Variants in SLC8A1 observed in about 807,000 individuals in gnomAD.
The protein encoded by SLC8A1 is solute carrier family 8 member A1.
SLC8A1 carries 18 observed loss-of-function variants against 68.3 expected under a neutral mutation model. The observed-to-expected ratio is 0.26, with a 90% CI of 0.18 to 0.39. The LOEUF (loss-of-function observed/expected upper bound fraction) is 0.39. SLC8A1 is among the 10% of genes least tolerant of loss of function. SLC8A1 has a pLI of 1.00. For synonymous variants in SLC8A1, 475 were observed against 415.5 expected, an observed-to-expected ratio of 1.14 and a Z score of -1.74; for missense variants, 985 against 1,156.7, an observed-to-expected ratio of 0.85 and a Z score of 2.15.
intron 1 of SLC8A1, among the ~76,000 whole-genome samples, chr2:40,440,284 T>C (rs1576504909): frequency 6.6e-6 from 1 of 152,290 alleles, no homozygotes; most frequent in East Asian, 1.9e-4. Flanking sequence ...ATGAGGATTA[T>C]AATAGATGTG....
intron 2 of SLC8A1, among the ~76,000 whole-genome samples, chr2:40,391,503 G>A (rs984191446): frequency 6.6e-6 from 1 of 151,984 alleles, no homozygotes; most frequent in Non-Finnish European, 1.5e-5. Context: ...CATTCAATGT[G>A]AAGTAATCAT....
intron 6 of SLC8A1, among the ~76,000 whole-genome samples, chr2:40,160,422 C>G (rs1215011421): frequency 6.6e-6 from 1 of 152,000 alleles, no homozygotes; most frequent in Non-Finnish European, 1.5e-5. Context: ...TTTTCTTGAC[C>G]TTGACTTGGC....
chr2:40,107,279 C>CAAAAAAAAAAAAAAAAGAAAAAAAAA (rs571403529), exon 8 of SLC8A1: 4 of 64,962 alleles, frequency 6.2e-5, no homozygotes, highest in South Asian at 1.1e-3. Context: ...GACTCCGTCT[C>CAAAAAAAAAAAAAAAAGAAAAAAAAA]AAAAAAAAAA....
intron 1 of SLC8A1, among the ~76,000 whole-genome samples, chr2:40,447,888 A>T (rs1701741155): frequency 6.6e-6 from 1 of 152,156 alleles, no homozygotes; most frequent in South Asian, 2.1e-4. Flanking sequence ...CCTCTTCCAC[A>T]TGTTCCCCTC....
At chr2:40,377,851 G>A (rs1680426774) in intron 2 of SLC8A1, among the ~76,000 whole-genome samples, 1 of 152,108 alleles carries the variant, frequency 6.6e-6, no homozygotes. Context: ...AGGCCATTCA[G>A]TTGCAGAATA....
chr2:40,337,021 T>C lies in SLC8A1; in HGVS notation c.1808+91452A>G, dbSNP rs146745777. Among the ~76,000 whole-genome samples, 62 of 152,328 alleles carry C rather than the reference T, an allele frequency of 4.1e-4. 1 individual carries two copies. Among genetic ancestry groups the C allele is most frequent in the Admixed American group, 1.4e-3 (22 of 15,300 alleles). ...ATCCTTAAAGATGCCTAAGAAGATA[T>C]GAACCTCTTTGTAATGCACTTCTAG... On this transcript the variant is annotated intron_variant, in intron 2 of 7. Transcript: ENST00000406785.
chr2:40,494,565 T>C (rs2149928450), intron 1 of SLC8A1, among the ~76,000 whole-genome samples: 1 of 149,174 alleles, frequency 6.7e-6, no homozygotes, highest in East Asian at 2.0e-4. Flanking sequence ...TCTAGATCCC[T>C]GAGGAATGGT....
chr2:40,278,455 G>A (rs755956182), intron 2 of SLC8A1, among the ~76,000 whole-genome samples: 21 of 150,522 alleles, frequency 1.4e-4, no homozygotes, highest in Admixed American at 4.6e-4. Context: ...GCGACAGAGC[G>A]AGACTCTGTC....
intron 2 of SLC8A1, among the ~76,000 whole-genome samples, chr2:40,204,182 ACATCTTAAATTTGGGATACATTG>A: frequency 6.6e-6 from 1 of 152,130 alleles, no homozygotes; most frequent in East Asian, 1.9e-4. Flanking sequence ...TGTTCAGAAA[ACATCTTAAATTTGGGATACATTG>A]TTCTGTCTTT....
At chr2:40,288,052 G>A (rs116380059) in intron 2 of SLC8A1, among the ~76,000 whole-genome samples, 1,790 of 152,210 alleles carry the variant, frequency 0.012, 37 homozygotes, top group African/African-American at 0.041. Context: ...CTGCTGTCCT[G>A]ATCCTCACTG....
chr2:40,508,142 C>T (rs1706486344), intron 1 of SLC8A1, among the ~76,000 whole-genome samples: 1 of 151,962 alleles, frequency 6.6e-6, no homozygotes, highest in African/African-American at 2.4e-5. Context: ...AACTAGAGTT[C>T]TAATGATTAT....
At chr2:40,118,621 T>TTTTG (rs925798270) in intron 7 of SLC8A1, 10 of 144,946 alleles carry the variant, frequency 6.9e-5, no homozygotes, top group Non-Finnish European at 1.2e-4. Flanking sequence ...TTTTTTTTTT[T>TTTTG]TTTTTTTTTT....
intron 2 of SLC8A1, among the ~76,000 whole-genome samples, chr2:40,241,912 G>A (rs1025588681): frequency 6.6e-6 from 1 of 152,114 alleles, no homozygotes; most frequent in Non-Finnish European, 1.5e-5. Flanking sequence ...ATATGTTTAT[G>A]TTGTTGAATA....
chr2:40,118,615 T>TTTG (rs2036070155), intron 7 of SLC8A1: 1 of 143,012 alleles, frequency 7.0e-6, no homozygotes, highest in Non-Finnish European at 1.5e-5. Context: ...AAGTTTTTTT[T>TTTG]TTTTTTTTTT....
At chr2:40,423,035 C>T (rs1041837612) in intron 2 of SLC8A1, among the ~76,000 whole-genome samples, 3 of 152,122 alleles carry the variant, frequency 2.0e-5, no homozygotes, top group Non-Finnish European at 4.4e-5. Flanking sequence ...TTTGTTTCTA[C>T]ACATTCCACA....
intron 4 of SLC8A1, among the ~76,000 whole-genome samples, chr2:40,174,231 A>C (rs899385728): frequency 6.6e-6 from 1 of 152,086 alleles, no homozygotes; most frequent in Non-Finnish European, 1.5e-5. Flanking sequence ...ATTTACATAC[A>C]TAATTTATGA....
At chr2:40,163,725 AACAG>A (rs774768512) in intron 5 of SLC8A1, among the ~76,000 whole-genome samples, 3 of 152,200 alleles carry the variant, frequency 2.0e-5, no homozygotes, top group Non-Finnish European at 2.9e-5. Context: ...AAGAAGAGTT[AACAG>A]ACAGATTCTC....
intron 2 of SLC8A1, among the ~76,000 whole-genome samples, chr2:40,388,915 G>T (rs2041761): frequency 0.92 from 139,577 of 152,242 alleles, 64,200 homozygotes; most frequent in East Asian, 1. Flanking sequence ...AGCCTGCTGT[G>T]AAATATTTAG....
intron 1 of SLC8A1, among the ~76,000 whole-genome samples, chr2:40,458,856 T>C (rs1703176948): frequency 6.6e-6 from 1 of 152,230 alleles, no homozygotes; most frequent in Non-Finnish European, 1.5e-5. Context: ...TCTTGTATTC[T>C]TATTTATTAT....
Sources: allele counts gnomAD v4.1 joint callset (sites outside exome capture counted in the v4.1 genomes callset), GRCh38; gene constraint gnomAD v4.1.1; transcripts MANE v1.5; gene names NCBI Gene and HGNC (gene_info 2026-07-23, HGNC 2026-07-21).